The following NRCAM variants were observed in gnomAD, a reference collection of about 807,000 sequenced individuals.
NRCAM encodes neuronal cell adhesion molecule, also known as NgCAM-related cell adhesion molecule.
A neutral mutation model predicts 156.5 loss-of-function variants in NRCAM; 83 were observed. That is an observed-to-expected ratio of 0.53 (90% confidence interval 0.44 to 0.64). NRCAM has a LOEUF of 0.64. Among genes scored for constraint, NRCAM ranks in the 30% least tolerant of loss-of-function variants. The pLI, the probability that NRCAM is intolerant of heterozygous loss-of-function variation, is 0.00. For synonymous variants in NRCAM, 538 were observed against 563.9 expected (o/e 0.95, Z 0.65); for missense variants, 1,417 against 1,597.3 (o/e 0.89, Z 1.92).
At chr7:108,272,331 G>A (rs1260044083) in intron 3 of NRCAM, among the ~76,000 whole-genome samples, 1 of 152,120 alleles carries the variant, frequency 6.6e-6, no homozygotes, top group Non-Finnish European at 1.5e-5. Flanking sequence ...ATTAATTTAA[G>A]TAAAAACACC....
chr7:108,243,397 A>G (rs1405270050), intron 3 of NRCAM, among the ~76,000 whole-genome samples: 1 of 152,188 alleles, frequency 6.6e-6, no homozygotes, highest in Non-Finnish European at 1.5e-5. Context: ...CTGCACAAAG[A>G]AAAACCACCG....
At chr7:108,174,157 G>A (rs1230722965) in intron 28 of NRCAM, among the ~76,000 whole-genome samples, 1 of 152,130 alleles carries the variant, frequency 6.6e-6, no homozygotes. Flanking sequence ...AGTTTACATC[G>A]CTCTGTGATA....
chr7:108,278,219 T>A (rs1350908697), intron 3 of NRCAM, among the ~76,000 whole-genome samples: 3 of 152,256 alleles, frequency 2.0e-5, no homozygotes, highest in Admixed American at 6.5e-5. Flanking sequence ...GAAGGCAGTC[T>A]GTCCATTATC....
chr7:108,302,808 T>C (rs965695488), intron 3 of NRCAM, among the ~76,000 whole-genome samples: 1 of 152,252 alleles, frequency 6.6e-6, no homozygotes, highest in Non-Finnish European at 1.5e-5. Context: ...ACACTGGGCA[T>C]ATATCACTTC....
chr7:108,421,549 A>G (rs1398138512), intron 1 of NRCAM, among the ~76,000 whole-genome samples: 1 of 152,238 alleles, frequency 6.6e-6, no homozygotes, highest in Admixed American at 6.5e-5. Flanking sequence ...CATGAAGTAG[A>G]TATTAGAATC....
chr7:108,357,793 C>T (rs2099516367), intron 2 of NRCAM, among the ~76,000 whole-genome samples: 1 of 152,210 alleles, frequency 6.6e-6, no homozygotes, highest in Non-Finnish European at 1.5e-5. Flanking sequence ...TTAAATTAGG[C>T]TTAAGTATTT....
At position 108,182,694 on chromosome 7, in the gene NRCAM, C is replaced by T. The variant is rs991108325; in HGVS notation, c.2530+1G>A. On this transcript the variant is annotated splice_donor_variant, in intron 23 of 32. Transcript: ENST00000379028. LOFTEE classifies it high-confidence loss of function. ...GAAAAGTAGGAAATGGCATCACTTA[C>T]GGTCTTCTCCAGAATGTCCCATGAC... The T allele has an allele frequency of 1.9e-6, 3 of 1,613,226 alleles. No individual in the cohort carries two copies. The highest frequency in any genetic ancestry group is 2.5e-6 in the Non-Finnish European group (3 of 1,179,206).
Position 108,417,315 on chromosome 7 carries a change from T to A in NRCAM, c.-331-17722A>T, listed in dbSNP as rs571029813. Among the ~76,000 whole-genome samples the A allele has an allele frequency of 7.6e-4, 116 of 152,256 alleles. 2 individuals are homozygous for A. The South Asian group carries it at 0.024, about 31-fold the overall frequency. ...ATTCTGGAGTCTGAGAAGTCCAGTA[T>A]CAAGGTGCAGACATCTGGTGACGAC... On this transcript the variant is annotated intron_variant, in intron 1 of 32. Coordinates refer to ENST00000379028, the MANE Select transcript of NRCAM (RefSeq NM_001037132.4).
chr7:108,261,792 TC>T (rs2096898498), intron 3 of NRCAM, among the ~76,000 whole-genome samples: 1 of 152,114 alleles, frequency 6.6e-6, no homozygotes, highest in Non-Finnish European at 1.5e-5. Context: ...CCTAGCCATC[TC>T]TAATCTTGGT....
chr7:108,195,702 A>C lies in NRCAM; in HGVS notation c.1463+59T>G, dbSNP rs2074651669. On this transcript the variant is annotated intron_variant, in intron 15 of 32. Coordinates refer to ENST00000379028, the MANE Select transcript of NRCAM (RefSeq NM_001037132.4). ...TTTGAATAAAACCCAACATATTTAG[A>C]ATATGAAGCCTTTAGCAAACATTTT... 3 of 908,712 alleles carry C rather than the reference A, an allele frequency of 3.3e-6. No individual in the cohort carries two copies. In the East Asian group the frequency reaches 7.7e-5, roughly 23 times the overall value. 56.3% of individuals were successfully genotyped at this position (908,712 alleles called of 1,614,324 possible).
intron 2 of NRCAM, among the ~76,000 whole-genome samples, chr7:108,331,401 T>C (rs1047787250): frequency 6.6e-6 from 1 of 151,146 alleles, no homozygotes; most frequent in Non-Finnish European, 1.5e-5. Context: ...ACCCTGTCTC[T>C]AAACTTAAAA....
chr7:108,400,393 T>A (rs1168965030), intron 1 of NRCAM, among the ~76,000 whole-genome samples: 2 of 152,234 alleles, frequency 1.3e-5, no homozygotes, highest in Non-Finnish European at 2.9e-5. Flanking sequence ...ACTAACAGTA[T>A]GGCCTTGGGC....
intron 2 of NRCAM, among the ~76,000 whole-genome samples, chr7:108,337,888 T>G (rs1413843312): frequency 6.6e-6 from 1 of 152,208 alleles, no homozygotes; most frequent in Non-Finnish European, 1.5e-5. Context: ...TTGGACCACT[T>G]TCACTTGCTA....
chr7:108,191,976 G>C (rs2072007277), intron 17 of NRCAM, 123 bp from the exon 18 acceptor site: 2 of 1,085,204 alleles, frequency 1.8e-6, no homozygotes, highest in South Asian at 3.4e-5. Flanking sequence ...ACTTTCAAAA[G>C]TTAGAGCAAA....
At chr7:108,450,238 T>G (rs1848768348) in intron 1 of NRCAM, among the ~76,000 whole-genome samples, 2 of 148,136 alleles carry the variant, frequency 1.4e-5, no homozygotes, top group Admixed American at 1.4e-4. Context: ...TGGTTATAAT[T>G]TGTTCCCTTT....
intron 25 of NRCAM, among the ~76,000 whole-genome samples, chr7:108,179,674 A>G (rs17155133): frequency 0.025 from 3,878 of 152,230 alleles, 75 homozygotes; most frequent in Middle Eastern, 0.092. Flanking sequence ...GCAGTTGCCC[A>G]TATCTGCAAT....
rs961384956 is a variant in NRCAM, at chr7:108,276,040, G to A, written c.-106-35870C>T. Reference sequence around the variant, plus strand: ...TTGTTCAGTTTCCATGTAGTTGTGCGGTTTTGAGTGAGTTTCTTAATCCCG... The same window carrying A: ...TTGTTCAGTTTCCATGTAGTTGTGCAGTTTTGAGTGAGTTTCTTAATCCCG... On this transcript the variant is annotated intron_variant, in intron 3 of 32. Coordinates refer to ENST00000379028, the MANE Select transcript of NRCAM (RefSeq NM_001037132.4). Among the ~76,000 whole-genome samples, 38 of 152,046 alleles carry A rather than the reference G, an allele frequency of 2.5e-4. 1 individual carries two copies. Among genetic ancestry groups the A allele is most frequent in the Admixed American group, 1.3e-3 (20 of 15,254 alleles).
At chr7:108,380,897 T>C (rs1474152282) in intron 2 of NRCAM, among the ~76,000 whole-genome samples, 1 of 152,158 alleles carries the variant, frequency 6.6e-6, no homozygotes, top group Non-Finnish European at 1.5e-5. Flanking sequence ...TGTATGTATG[T>C]AATATCCCAT....
intron 3 of NRCAM, chr7:108,243,277 C>T (rs2095661022): frequency 1.3e-5 from 2 of 152,178 alleles, no homozygotes; most frequent in Non-Finnish European, 2.9e-5. Context: ...TAGATGAAAA[C>T]CCAAATGCCT....
Sources: allele counts gnomAD v4.1 joint callset (sites outside exome capture counted in the v4.1 genomes callset), GRCh38; gene constraint gnomAD v4.1.1; transcripts MANE v1.5; gene names NCBI Gene and HGNC (gene_info 2026-07-23, HGNC 2026-07-21).